The following GALNT13 variants were observed in gnomAD, a reference collection of about 807,000 sequenced individuals.
The protein encoded by GALNT13 is UDP-GalNAc:polypeptide N-acetylgalactosaminyltransferase 13.
In GALNT13, 28 loss-of-function variants were observed where a neutral mutation model predicts 64.2. The ratio of observed to expected loss-of-function variants is 0.44; its 90% CI spans 0.32 to 0.60. The LOEUF (loss-of-function observed/expected upper bound fraction) is 0.60, where lower values mean the gene tolerates loss of function less well. Among genes scored for constraint, GALNT13 ranks in the 20% least tolerant of loss-of-function variants. The pLI, the probability that GALNT13 is intolerant of heterozygous loss-of-function variation, is 0.05. For synonymous variants in GALNT13, 214 were observed against 224.6 expected, an observed-to-expected ratio of 0.95 and a Z score of 0.42; for missense variants, 577 against 669.8, an observed-to-expected ratio of 0.86 and a Z score of 1.53.
the GALNT13 span, among the ~76,000 whole-genome samples, chr2:153,738,522 C>G: frequency 5.9e-5 from 9 of 151,914 alleles, no homozygotes; most frequent in Non-Finnish European, 8.8e-5. Context: ...CCTCTGATTT[C>G]TTCACAATAG....
intron 3 of GALNT13, among the ~76,000 whole-genome samples, chr2:154,119,935 T>C (rs756439919): frequency 6.6e-6 from 1 of 152,224 alleles, no homozygotes; most frequent in South Asian, 2.1e-4. Context: ...TATTTATTTC[T>C]TTTGGATTTA....
chr2:153,541,782 C>T, the GALNT13 span, among the ~76,000 whole-genome samples: 2 of 152,228 alleles, frequency 1.3e-5, no homozygotes, highest in Non-Finnish European at 2.9e-5. Context: ...TTTTGTTCAA[C>T]GTATTTCTAT....
chr2:153,775,395 A>G, the GALNT13 span, among the ~76,000 whole-genome samples: 1 of 152,124 alleles, frequency 6.6e-6, no homozygotes, highest in Admixed American at 6.6e-5. Flanking sequence ...TATTGCCAGA[A>G]TTGATATAGA....
downstream of GALNT13, chr2:154,454,626 G>A (rs1702004861): frequency 6.6e-6 from 1 of 151,806 alleles, no homozygotes; most frequent in Non-Finnish European, 1.5e-5. Context: ...TCACACCACT[G>A]CACTTCAGCC....
chr2:153,854,825 A>T, the GALNT13 span, among the ~76,000 whole-genome samples: 1 of 152,218 alleles, frequency 6.6e-6, no homozygotes, highest in African/African-American at 2.4e-5. Context: ...AAATGTATAC[A>T]TAAATGCAAA....
chr2:153,719,825 C>A, the GALNT13 span, among the ~76,000 whole-genome samples: 1 of 151,616 alleles, frequency 6.6e-6, no homozygotes, highest in East Asian at 2.0e-4. Context: ...CACGGAATCT[C>A]GCTGATTGCT....
At chr2:154,228,713 T>C (rs1044313679) in intron 4 of GALNT13, among the ~76,000 whole-genome samples, 4 of 152,070 alleles carry the variant, frequency 2.6e-5, no homozygotes, top group African/African-American at 9.7e-5. Context: ...TAACAATGTA[T>C]GAGAAAACAG....
chr2:154,310,993 A>T (rs1050461436), intron 9 of GALNT13, among the ~76,000 whole-genome samples: 34 of 152,040 alleles, frequency 2.2e-4, no homozygotes, highest in Admixed American at 3.3e-4. Context: ...ATATTCTATG[A>T]ATATATATGA....
intron 3 of GALNT13, among the ~76,000 whole-genome samples, chr2:154,035,725 T>C (rs540636262): frequency 6.6e-6 from 1 of 152,140 alleles, no homozygotes; most frequent in South Asian, 2.1e-4. Context: ...ATTGAATACA[T>C]TTGGAATAAT....
chr2:153,332,188 T>C, the GALNT13 span, among the ~76,000 whole-genome samples: 36 of 152,214 alleles, frequency 2.4e-4, no homozygotes, highest in African/African-American at 8.4e-4. Context: ...ATTTCTGCTC[T>C]GATTTTAGTT....
At chr2:153,268,413 G>A in the GALNT13 span, among the ~76,000 whole-genome samples, 1 of 152,194 alleles carries the variant, frequency 6.6e-6, no homozygotes, top group Non-Finnish European at 1.5e-5. Flanking sequence ...AGCTCCCATG[G>A]CCTTGGAAAG....
At chr2:153,114,745 T>G in the GALNT13 span, among the ~76,000 whole-genome samples, 6 of 152,154 alleles carry the variant, frequency 3.9e-5, no homozygotes, top group Non-Finnish European at 7.3e-5. Flanking sequence ...ATCATTGATT[T>G]GTCAATGAGC....
chr2:154,446,482 G>T (rs1196040657), intron 12 of GALNT13: 9 of 1,326,878 alleles, frequency 6.8e-6, no homozygotes, highest in Non-Finnish European at 9.0e-6. Context: ...TTATCCAGTA[G>T]AAATTGCATG....
chr2:153,283,125 G>C, the GALNT13 span, among the ~76,000 whole-genome samples: 1 of 152,178 alleles, frequency 6.6e-6, no homozygotes, highest in Non-Finnish European at 1.5e-5. Context: ...TGAGCTCCAT[G>C]CTCAGCCCCA....
intron 3 of GALNT13, among the ~76,000 whole-genome samples, chr2:154,099,439 A>G (rs189277175): frequency 5.9e-5 from 9 of 152,114 alleles, no homozygotes; most frequent in Admixed American, 4.6e-4. Context: ...CCATCTGTCT[A>G]TTTCTGCTTT....
intron 11 of GALNT13, among the ~76,000 whole-genome samples, chr2:154,422,327 A>G (rs1700289252): frequency 6.6e-6 from 1 of 152,176 alleles, no homozygotes; most frequent in Non-Finnish European, 1.5e-5. Context: ...TTAGTGTTGA[A>G]GTCTAATTTC....
In GALNT13 at chr2:154,021,072, G is replaced by A. The variant is rs974664187; in HGVS notation, c.142+76433G>A. Among the ~76,000 whole-genome samples, 13 of 152,192 alleles carry A rather than the reference G, an allele frequency of 8.5e-5. No homozygotes were observed. The East Asian group carries it at 1.9e-3, about 23-fold the overall frequency. Reference sequence around the variant, plus strand: ...TCCATTGGTCTATATCTCTGTTTTCGTACCAGTACCATGCTGTTTTGGTTA... The same window carrying A: ...TCCATTGGTCTATATCTCTGTTTTCATACCAGTACCATGCTGTTTTGGTTA... On this transcript the variant is annotated intron_variant, in intron 3 of 12. Transcript: ENST00000392825.
At chr2:153,810,214 C>A in the GALNT13 span, among the ~76,000 whole-genome samples, 1 of 152,164 alleles carries the variant, frequency 6.6e-6, no homozygotes, top group Non-Finnish European at 1.5e-5. Flanking sequence ...CCACCCACTT[C>A]AGCCTCCCAA....
chr2:153,483,137 G>A, the GALNT13 span, among the ~76,000 whole-genome samples: 995 of 152,146 alleles, frequency 6.5e-3, 12 homozygotes, highest in African/African-American at 0.023. Flanking sequence ...CATGTAAAAT[G>A]GTACAGCCAT....
Sources: gnomAD v4.1 joint callset for allele counts (sites outside exome capture counted in the v4.1 genomes callset) on GRCh38, gnomAD v4.1.1 for gene constraint, MANE v1.5 for transcripts, NCBI Gene and HGNC (gene_info 2026-07-23, HGNC 2026-07-21) for gene names.